Variants in AARSD1 observed in about 807,000 individuals in gnomAD.
AARSD1 encodes alanyl-tRNA editing protein Aarsd1.
In AARSD1, 44 loss-of-function variants were observed where a neutral mutation model predicts 48.7. That is an observed-to-expected ratio of 0.90 (90% CI 0.71 to 1.16). The LOEUF (loss-of-function observed/expected upper bound fraction) is 1.16, where lower values mean the gene tolerates loss of function less well. AARSD1 is among the 50% of genes most tolerant of loss of function. The pLI is 0.00. For synonymous variants in AARSD1, 189 were observed against 194.9 expected, an observed-to-expected ratio of 0.97 and a Z score of 0.25; for missense variants, 511 against 523.1, an observed-to-expected ratio of 0.98 and a Z score of 0.23.
At chr17:42,954,829 A>G (rs1169227339) in intron 9 of AARSD1, 47 bp downstream of exon 9, 1 of 1,604,002 alleles carries the variant, frequency 6.2e-7, no homozygotes, top group Non-Finnish European at 8.5e-7. Context: ...CTGAGCCCTA[A>G]GCCCAACACA....
chr17:42,961,019 T>C, intron 3 of AARSD1, 173 bp downstream of exon 3: 1 of 1,098,252 alleles, frequency 9.1e-7, no homozygotes, highest in Non-Finnish European at 1.2e-6. Flanking sequence ...ACTTCAGTTG[T>C]TCATGTTGCT....
At chr17:42,960,941 C>A (rs549696494) in intron 3 of AARSD1, 49 of 481,748 alleles carry the variant, frequency 1.0e-4, no homozygotes, top group Middle Eastern at 1.2e-3. Flanking sequence ...TGTGAGACAT[C>A]CAGATGGAGA....
chr17:42,964,280 TAGC>T, intron 1 of AARSD1, 43 bp from the exon 2 acceptor site: 2 of 3,532 alleles, frequency 5.7e-4, no homozygotes, highest in South Asian at 0.014. Flanking sequence ...ACCCCAGCCC[TAGC>T]CCTAGCCCTC....
intron 9 of AARSD1, 140 bp downstream of exon 9, chr17:42,954,736 A>C: frequency 1.1e-6 from 1 of 941,932 alleles, no homozygotes; most frequent in Non-Finnish European, 1.6e-6. Context: ...CCCGGCCAGT[A>C]ACATATTTCT....
Position 42,951,842 on chromosome 17 carries a change from A to G in AARSD1, c.1061T>C (p.Leu354Ser). The change falls in exon 11 of 12, where the codon TTA (leucine) becomes TCA (serine). Residue 354 changes from leucine to serine, a missense_variant. Transcript: ENST00000427569. ...VGDEKGGGLF[L>S]LAGPPASVET... Reference sequence around the variant, plus strand: ...CACAGACGCAGGTGGCCCTGCCAGTAAGAAGAGTCCACCACCTTTCTCATC... The same window carrying G: ...CACAGACGCAGGTGGCCCTGCCAGTGAGAAGAGTCCACCACCTTTCTCATC... 6.2e-7 allele frequency: 1 copy of G among 1,614,196 alleles called. No homozygotes were observed. The highest frequency in any genetic ancestry group is 8.5e-7 in the Non-Finnish European group (1 of 1,180,024).
rs1012273242 is a variant in AARSD1 at position 42,961,331 on chromosome 17, G to T, written c.192C>A (p.Ile64=). ...GGGQPDDRGT[I]NDISVLRVTR... ...TCACTCTCAGCACAGAGATGTCATT[G>T]ATTGTACCACGGTCATCAGGCTGGT... is the stretch of plus-strand genomic sequence containing the variant. The change falls in exon 3 of 12, where the codon ATC becomes ATA. Residue 64 remains isoleucine (I), a synonymous_variant. Transcript: ENST00000427569. The T allele has an allele frequency of 6.2e-7, 1 of 1,614,094 alleles. No homozygotes were observed. The highest frequency in any genetic ancestry group is 8.5e-7 in the Non-Finnish European group (1 of 1,179,988).
In AARSD1 at chr17:42,951,821, G is replaced by A; in HGVS notation, c.1082C>T (p.Ser361Phe). Residue 361 changes from serine (S) to phenylalanine (F), a missense_variant, in exon 11 of 12, where the codon TCT becomes TTT. Coordinates refer to ENST00000427569, the MANE Select transcript of AARSD1 (RefSeq NM_001261434.2). ...TTACCTGGGCCCCAGGGTCTCCACA[G>A]ACGCAGGTGGCCCTGCCAGTAAGAA... is the stretch of plus-strand genomic sequence containing the variant. ...GLFLLAGPPA[S>F]VETLGPRVAE... The A allele has an allele frequency of 6.2e-7, 1 of 1,614,196 alleles. No individual in the cohort carries two copies. The highest frequency in any genetic ancestry group is 8.5e-7 in the Non-Finnish European group (1 of 1,180,032).
At chr17:42,954,495 C>A in intron 9 of AARSD1, among the ~76,000 whole-genome samples, 1 of 151,706 alleles carries the variant, frequency 6.6e-6, no homozygotes, top group East Asian at 1.9e-4. Context: ...AGTGCTGTGG[C>A]GTGATCTCCA....
intron 10 of AARSD1, among the ~76,000 whole-genome samples, chr17:42,952,706 C>T (rs2049495397): frequency 6.6e-6 from 1 of 151,910 alleles, no homozygotes; most frequent in African/African-American, 2.4e-5. Flanking sequence ...AAACAAAAGA[C>T]CTGGAAATCT....
At chr17:42,955,794 GA>G (rs2049541401) in intron 7 of AARSD1, 47 bp downstream of exon 7, 1 of 1,610,888 alleles carries the variant, frequency 6.2e-7, no homozygotes, top group South Asian at 1.1e-5. Context: ...AGATTATGTC[GA>G]AAATCTCAGA....
rs1396500155 is a variant in AARSD1 at position 42,956,291 on chromosome 17, A to G, written c.576T>C (p.His192=). The change falls in exon 6 of 12, where the codon CAT becomes CAC. Residue 192 remains histidine (H), a synonymous_variant. Coordinates refer to ENST00000427569, the MANE Select transcript of AARSD1 (RefSeq NM_001261434.2). ...QVSGRGLPDD[H]AGPIRVVNIE... ...TGTTAACAACCCGAATGGGCCCAGC[A>G]TGATCATCAGGCAAACCCCGGCCAC... 2 of 1,614,136 alleles carry G rather than the reference A, an allele frequency of 1.2e-6. No individual in the cohort carries two copies. The highest frequency in any genetic ancestry group is 3.3e-5 in the Admixed American group (2 of 59,996).
chr17:42,964,367 C>A, intron 1 of AARSD1, 35 bp downstream of exon 1: 2 of 1,561,658 alleles, frequency 1.3e-6, no homozygotes, highest in South Asian at 1.2e-5. Flanking sequence ...CCTTGCCGGC[C>A]CGGCAGTCTC....
intron 10 of AARSD1, among the ~76,000 whole-genome samples, chr17:42,953,268 C>T (rs2049503857): frequency 1.3e-5 from 2 of 152,258 alleles, no homozygotes; most frequent in South Asian, 4.2e-4. Context: ...GCGTGAGCCA[C>T]CATGCCTGGC....
At chr17:42,963,534 C>T (rs1207992765) in intron 2 of AARSD1, among the ~76,000 whole-genome samples, 1 of 152,040 alleles carries the variant, frequency 6.6e-6, no homozygotes, top group Admixed American at 6.6e-5. Flanking sequence ...GTACCTAGTC[C>T]TCATCACAGC....
rs1430639234 is a variant in AARSD1, at chr17:42,955,030, C to T, written c.862-63G>A. ...GGATAACAATAGAGAGTATCAGCTTCCCTCCACCTCATTCTCCCCTCACTC... is the reference window on the plus strand; with the variant it reads ...GGATAACAATAGAGAGTATCAGCTTTCCTCCACCTCATTCTCCCCTCACTC... On this transcript the variant is annotated intron_variant, in intron 8 of 11. Transcript: ENST00000427569. 3 of 1,609,062 alleles carry T rather than the reference C, an allele frequency of 1.9e-6. No individual in the cohort carries two copies. The African/African-American group carries it at 4.0e-5, about 22-fold the overall frequency.
intron 9 of AARSD1, 55 bp downstream of exon 9, chr17:42,954,821 G>C: frequency 6.3e-7 from 1 of 1,586,632 alleles, no homozygotes; most frequent in Non-Finnish European, 8.7e-7. Context: ...AGAAGACACT[G>C]AGCCCTAAGC....
At chr17:42,962,124 A>AC (rs888237439) in intron 2 of AARSD1, 11 of 187,820 alleles carry the variant, frequency 5.9e-5, no homozygotes, top group Admixed American at 2.5e-4. Flanking sequence ...ACATGGTGAA[A>AC]CCCCGTCTCT....
chr17:42,955,792 T>G (rs1322747848), intron 7 of AARSD1, 50 bp downstream of exon 7: 16 of 1,610,810 alleles, frequency 9.9e-6, no homozygotes, highest in Non-Finnish European at 1.4e-5. Context: ...AGAGATTATG[T>G]CGAAAATCTC....
intron 9 of AARSD1, 133 bp downstream of exon 9, chr17:42,954,743 T>C: frequency 9.9e-7 from 1 of 1,014,586 alleles, no homozygotes; most frequent in Non-Finnish European, 1.5e-6. Flanking sequence ...AGTAACATAT[T>C]TCTTAGGATC....
Sources: gnomAD v4.1 joint callset for allele counts (sites outside exome capture counted in the v4.1 genomes callset) on GRCh38, gnomAD v4.1.1 for gene constraint, MANE v1.5 for transcripts, NCBI Gene and HGNC (gene_info 2026-07-23, HGNC 2026-07-21) for gene names.